GMPS: variants seen among roughly 807,000 people sequenced by gnomAD.
GMPS encodes guanosine monophosphate synthase, also known as GMP synthase [glutamine-hydrolyzing].
GMPS carries 15 observed loss-of-function variants against 77.9 expected under a neutral mutation model. That is an observed-to-expected ratio of 0.19 (90% confidence interval 0.13 to 0.30). The LOEUF is 0.30. GMPS is among the 10% of genes least tolerant of loss of function. The probability of loss-of-function intolerance (pLI) is 1.00; values close to 1 mark genes in which losing one functional copy is unlikely to be tolerated. For synonymous variants in GMPS, 224 were observed against 275.9 expected (o/e 0.81, Z 1.86); for missense variants, 590 against 838.8 (o/e 0.70, Z 3.66).
Position 155,870,788 on chromosome 3 carries a change from G to C in GMPS, c.-83G>C, listed in dbSNP as rs1753885054. The C allele has an allele frequency of 1.1e-6, 1 of 941,282 alleles. No homozygotes were observed. The allele number at this position is 941,282 out of a possible 1,614,324, so 58.3% of individuals were successfully genotyped here. ...CGACCAGGCCTCCTTCTCAACCTCA[G>C]CCCGCGGCGCCGACCCTTCCGGCAC... On this transcript the variant is annotated 5_prime_UTR_variant, in exon 1 of 16. Coordinates refer to ENST00000496455, the MANE Select transcript of GMPS (RefSeq NM_003875.3).
rs1755516375 is a variant in GMPS at position 155,928,622 on chromosome 3, G to T, written c.1561-3143G>T. On this transcript the variant is annotated intron_variant, in intron 12 of 15. Transcript: ENST00000496455. ...ACATATGTATACATGTGCCATGCTG[G>T]TGCACCGCACCCACTAACTCGTCAT... 2.7e-5 allele frequency among the ~76,000 whole-genome samples: 4 copies of T among 149,878 alleles called. No individual in the cohort carries two copies. The South Asian group carries it at 8.5e-4, about 32-fold the overall frequency.
At position 155,907,663 on chromosome 3, in the gene GMPS, A is replaced by G. The variant is rs955511912; in HGVS notation, c.526+1400A>G. 9.9e-5 allele frequency among the ~76,000 whole-genome samples: 15 copies of G among 152,234 alleles called. No individual in the cohort carries two copies. The South Asian group carries it at 1.2e-3, about 13-fold the overall frequency. ...ACACTGGAAAAAGGGAAAGTAAACAATAAAGAAATACAGAATATGTCAGAA... is the reference window on the plus strand; with the variant it reads ...ACACTGGAAAAAGGGAAAGTAAACAGTAAAGAAATACAGAATATGTCAGAA... On this transcript the variant is annotated intron_variant, in intron 5 of 15. Transcript: ENST00000496455.
chr3:155,910,462 G>A (rs1201109088), intron 5 of GMPS, among the ~76,000 whole-genome samples: 3 of 151,648 alleles, frequency 2.0e-5, no homozygotes, highest in African/African-American at 7.3e-5. Flanking sequence ...CCAGCTACTT[G>A]GGAGCCTGAG....
At chr3:155,887,533 T>C (rs922251228) in intron 1 of GMPS, among the ~76,000 whole-genome samples, 5 of 151,988 alleles carry the variant, frequency 3.3e-5, no homozygotes, top group African/African-American at 1.2e-4. Flanking sequence ...TATAAAAAGG[T>C]GAGGAGGTGA....
intron 9 of GMPS, 38 bp downstream of exon 9, chr3:155,916,230 ATGGAAAGTCTTCCATTC>A: frequency 1.5e-6 from 2 of 1,326,236 alleles, no homozygotes; most frequent in Non-Finnish European, 2.2e-6. Context: ...AAGTAGATAC[ATGGAAAGTCTTCCATTC>A]TTCCCTCCTC....
At chr3:155,887,073 T>C (rs904132228) in intron 1 of GMPS, among the ~76,000 whole-genome samples, 3 of 152,214 alleles carry the variant, frequency 2.0e-5, no homozygotes, top group Admixed American at 6.6e-5. Context: ...ACTTGGCAAG[T>C]TTGAAATGAT....
In GMPS at chr3:155,935,024, C is replaced by T; in HGVS notation, c.1785C>T (p.Ala595=). 1 of 1,608,866 alleles carries T rather than the reference C, an allele frequency of 6.2e-7. No homozygotes were observed. The highest frequency in any genetic ancestry group is 1.1e-5 in the South Asian group (1 of 90,972). The change falls in exon 14 of 16, where the codon GCC becomes GCT. Residue 595 remains alanine, a synonymous_variant. Transcript: ENST00000496455. Reference sequence around the variant, plus strand: ...CTTTACGCCAAGCTGATTTTGAGGCCCATAACATTCTCAGGGAGTCTGGTA... The same window carrying T: ...CTTTACGCCAAGCTGATTTTGAGGCTCATAACATTCTCAGGGAGTCTGGTA... ...LSTLRQADFE[A]HNILRESGYA...
chr3:155,914,345 C>A, intron 7 of GMPS, 74 bp from the exon 8 acceptor site: 1 of 1,093,700 alleles, frequency 9.1e-7, no homozygotes, highest in Middle Eastern at 2.1e-4. Flanking sequence ...GCTTTTCTTT[C>A]TGTATTTTGA....
At chr3:155,937,174 T>C (rs1755784941) in intron 15 of GMPS, among the ~76,000 whole-genome samples, 1 of 152,242 alleles carries the variant, frequency 6.6e-6, no homozygotes, top group Non-Finnish European at 1.5e-5. Flanking sequence ...TACAGTGTAC[T>C]CTGTGCCACC....
intron 11 of GMPS, among the ~76,000 whole-genome samples, chr3:155,924,664 A>G (rs1001056626): frequency 1.1e-4 from 16 of 152,198 alleles, no homozygotes; most frequent in African/African-American, 3.6e-4. Flanking sequence ...ATAATTACAG[A>G]AAAAGATTGT....
At chr3:155,930,117 A>G (rs765496609) in intron 12 of GMPS, among the ~76,000 whole-genome samples, 3,718 of 145,354 alleles carry the variant, frequency 0.026, 98 homozygotes, top group Non-Finnish European at 0.041. Context: ...CTATACTACA[A>G]CGCTACAGTA....
chr3:155,906,152 A>G lies in GMPS; in HGVS notation c.423-8A>G, dbSNP rs766137241. 3 of 1,488,980 alleles carry G rather than the reference A, an allele frequency of 2.0e-6. No individual in the cohort carries two copies. The highest frequency in any genetic ancestry group is 2.7e-6 in the Non-Finnish European group (3 of 1,094,020). 92.2% of individuals were successfully genotyped at this position (1,488,980 alleles called of 1,614,324 possible). On this transcript the variant is annotated splice_region_variant and splice_polypyrimidine_tract_variant and intron_variant, in intron 4 of 15. Transcript: ENST00000496455. ...GATATTTGTGTGTTTTATTTTTTGT[A>G]TGTTTAGGGGCCTTCAGAAGGAAGA...
At chr3:155,915,069 A>G (rs897762212) in intron 8 of GMPS, among the ~76,000 whole-genome samples, 2 of 151,812 alleles carry the variant, frequency 1.3e-5, no homozygotes, top group African/African-American at 2.4e-5. Flanking sequence ...TGCCCAGCCA[A>G]CTGTTTTATG....
chr3:155,870,488 C>G, upstream of GMPS: 1 of 206,294 alleles, frequency 4.8e-6, no homozygotes, highest in Non-Finnish European at 9.8e-6. Flanking sequence ...GCTTTGCCGG[C>G]GGGGACCGGG....
intron 5 of GMPS, among the ~76,000 whole-genome samples, chr3:155,909,028 A>G (rs1754965136): frequency 6.6e-6 from 1 of 152,218 alleles, no homozygotes; most frequent in African/African-American, 2.4e-5. Context: ...GAAGGAATAG[A>G]CAGTAAAATA....
At position 155,925,285 on chromosome 3, in the gene GMPS, G is replaced by A. The variant is rs1755423661; in HGVS notation, c.1479G>A (p.Glu493=). The change falls in exon 12 of 16, where the codon GAG becomes GAA. Residue 493 remains glutamate, a synonymous_variant. Transcript: ENST00000496455. ...GAGTCAAAGCCTGCACAACAGAAGA[G>A]GATCAGGAGAAGCTGATGCAAATTA... is the stretch of plus-strand genomic sequence containing the variant. ...LQRVKACTTE[E]DQEKLMQITS... 1.2e-6 allele frequency: 2 copies of A among 1,612,600 alleles called. No individual in the cohort carries two copies. Among genetic ancestry groups the A allele is most frequent in the South Asian group, 2.2e-5 (2 of 91,012 alleles).
intron 1 of GMPS, among the ~76,000 whole-genome samples, chr3:155,879,790 G>A (rs1754164296): frequency 6.9e-6 from 1 of 145,856 alleles, no homozygotes; most frequent in African/African-American, 2.6e-5. Context: ...GAGTGCAGTG[G>A]TGTGATCTCA....
At chr3:155,880,685 A>G (rs1754189295) in intron 1 of GMPS, among the ~76,000 whole-genome samples, 1 of 152,206 alleles carries the variant, frequency 6.6e-6, no homozygotes, top group Non-Finnish European at 1.5e-5. Context: ...AGTTGTTTTT[A>G]AAAAATGCAA....
intron 1 of GMPS, among the ~76,000 whole-genome samples, chr3:155,871,101 G>C (rs1462332962): frequency 6.6e-6 from 1 of 152,058 alleles, no homozygotes; most frequent in Non-Finnish European, 1.5e-5. Flanking sequence ...TGTTGATCTT[G>C]TCTGCGTGTC....
Sources: allele counts gnomAD v4.1 joint callset (sites outside exome capture counted in the v4.1 genomes callset), GRCh38; gene constraint gnomAD v4.1.1; transcripts MANE v1.5; gene names NCBI Gene and HGNC (gene_info 2026-07-23, HGNC 2026-07-21).